Variants in GDAP1 observed in about 807,000 individuals in gnomAD.
GDAP1 encodes the protein ganglioside-induced differentiation-associated protein 1.
In GDAP1, 34 loss-of-function variants were observed where a neutral mutation model predicts 40.1. That is an observed-to-expected ratio of 0.85 (90% CI 0.64 to 1.13). The LOEUF is 1.13. Ranked by LOEUF, GDAP1 falls within the 50% of genes most tolerant of loss-of-function variation. The pLI is 0.00. For synonymous variants in GDAP1, 170 were observed against 157.4 expected (o/e 1.08, Z -0.60); for missense variants, 374 against 433.7 (o/e 0.86, Z 1.22).
chr8:74,398,222 G>A (rs1180037638), intron 2 of GDAP1, among the ~76,000 whole-genome samples: 2 of 152,124 alleles, frequency 1.3e-5, no homozygotes, highest in Admixed American at 6.6e-5. Context: ...TTATGTAATG[G>A]CCTTCTTTGT....
intron 2 of GDAP1, among the ~76,000 whole-genome samples, chr8:74,466,892 G>T (rs140421771): frequency 6.6e-6 from 1 of 152,146 alleles, no homozygotes; most frequent in Non-Finnish European, 1.5e-5. Flanking sequence ...GCAGATTTAT[G>T]CACTGCTGGG....
At chr8:74,355,517 T>C (rs1191189192) in intron 2 of GDAP1, among the ~76,000 whole-genome samples, 1 of 152,322 alleles carries the variant, frequency 6.6e-6, no homozygotes, top group African/African-American at 2.4e-5. Context: ...GGAATAGTTA[T>C]TTTACAGCAA....
At chr8:74,439,039 T>TGC (rs1806127978) in intron 2 of GDAP1, among the ~76,000 whole-genome samples, 1 of 151,752 alleles carries the variant, frequency 6.6e-6, no homozygotes, top group African/African-American at 2.4e-5. Flanking sequence ...TATATATATG[T>TGC]GTGTGTGTGT....
intron 2 of GDAP1, among the ~76,000 whole-genome samples, chr8:74,482,542 T>G (rs954590129): frequency 2.0e-5 from 3 of 152,066 alleles, no homozygotes; most frequent in Non-Finnish European, 4.4e-5. Flanking sequence ...TGAAAAAAAA[T>G]GAAACAAAAA....
intron 2 of GDAP1, 88 bp downstream of exon 2, chr8:74,351,554 CTT>C: frequency 1.0e-6 from 1 of 992,128 alleles, no homozygotes; most frequent in Non-Finnish European, 1.6e-6. Context: ...TCCTCTCTCT[CTT>C]TCTCTTGTGT....
intron 2 of GDAP1, among the ~76,000 whole-genome samples, chr8:74,478,630 TA>T (rs1176303470): frequency 6.6e-6 from 1 of 152,128 alleles, no homozygotes; most frequent in Non-Finnish European, 1.5e-5. Context: ...ACTTTTCCCC[TA>T]AGACTAAAAG....
intron 2 of GDAP1, among the ~76,000 whole-genome samples, chr8:74,454,900 T>C (rs1027887017): frequency 2.0e-5 from 3 of 148,082 alleles, no homozygotes; most frequent in African/African-American, 7.5e-5. Flanking sequence ...CACATTCATC[T>C]TCTTTAGATA....
intron 2 of GDAP1, among the ~76,000 whole-genome samples, chr8:74,418,207 G>A (rs1027565520): frequency 5.9e-5 from 9 of 152,164 alleles, no homozygotes; most frequent in Non-Finnish European, 1.2e-4. Context: ...GCATGGAAAA[G>A]CAAAAGAACT....
chr8:74,413,557 C>A (rs1208220771), intron 2 of GDAP1, among the ~76,000 whole-genome samples: 4 of 149,568 alleles, frequency 2.7e-5, no homozygotes, highest in Admixed American at 2.6e-4. Flanking sequence ...CACCCATTTC[C>A]CCCACTCTGT....
At chr8:74,422,339 TTCTTTCTTTCTTC>T (rs1429389082) in intron 2 of GDAP1, among the ~76,000 whole-genome samples, 595 of 57,134 alleles carry the variant, frequency 0.01, 9 homozygotes, top group East Asian at 0.019. Context: ...CTTTCTTTCT[TTCTTTCTTTCTTC>T]CCTTCCTTCC....
chr8:74,439,144 T>C (rs1806129366), intron 2 of GDAP1, among the ~76,000 whole-genome samples: 1 of 152,082 alleles, frequency 6.6e-6, no homozygotes, highest in Non-Finnish European at 1.5e-5. Flanking sequence ...TTTTGTGATT[T>C]AAAATATCTT....
In GDAP1 at chr8:74,404,421, A is replaced by C. The variant is rs1315695638; in HGVS notation, c.165+53100A>C. On this transcript the variant is annotated intron_variant, in intron 2 of 2. Transcript: ENST00000523640. ...CGGGCCATTTATATGAATTAACAGA[A>C]TCAATCATGGCAAAACTCTTCAAGA... Among the ~76,000 whole-genome samples the C allele has an allele frequency of 2.0e-5, 3 of 149,462 alleles. 1 individual carries two copies. Among genetic ancestry groups the C allele is most frequent in the African/African-American group, 7.7e-5 (3 of 38,948 alleles).
At chr8:74,435,118 G>T (rs983464227) in intron 2 of GDAP1, among the ~76,000 whole-genome samples, 2 of 152,002 alleles carry the variant, frequency 1.3e-5, no homozygotes, top group African/African-American at 4.8e-5. Context: ...AAAATAAATC[G>T]GCAAACCACT....
At chr8:74,483,871 C>T (rs1806743582) in intron 2 of GDAP1, among the ~76,000 whole-genome samples, 1 of 152,020 alleles carries the variant, frequency 6.6e-6, no homozygotes, top group African/African-American at 2.4e-5. Context: ...GCTGTGTGTC[C>T]CAGGGCCACC....
At chr8:74,419,453 A>G (rs118028955) in intron 2 of GDAP1, among the ~76,000 whole-genome samples, 3 of 152,300 alleles carry the variant, frequency 2.0e-5, no homozygotes, top group Non-Finnish European at 4.4e-5. Context: ...ACATTCTTGG[A>G]AAGAAAAAAC....
At chr8:74,488,370 C>G (rs1806801584) in intron 2 of GDAP1, among the ~76,000 whole-genome samples, 1 of 152,116 alleles carries the variant, frequency 6.6e-6, no homozygotes, top group Non-Finnish European at 1.5e-5. Context: ...AGTACTTCTT[C>G]CTTTCCCCCA....
chr8:74,350,432 C>A lies in GDAP1; in HGVS notation c.-30C>A. On this transcript the variant is annotated 5_prime_UTR_variant, in exon 1 of 6. The change creates a new upstream start codon in the 5' untranslated region. Transcript: ENST00000220822. ...GAGGGAGAAGTCCAGGGCGGACAGGCTGGGCGCACCCGTGCTCGCGCACCC... is the reference window on the plus strand; with the variant it reads ...GAGGGAGAAGTCCAGGGCGGACAGGATGGGCGCACCCGTGCTCGCGCACCC... 1 of 1,380,272 alleles carries A rather than the reference C, an allele frequency of 7.2e-7. No homozygotes were observed. Among genetic ancestry groups the A allele is most frequent in the African/African-American group, 1.4e-5 (1 of 70,658 alleles). The allele number at this position is 1,380,272 out of a possible 1,614,324, so 85.5% of individuals were successfully genotyped here.
At chr8:74,486,478 C>T (rs1043017909) in intron 2 of GDAP1, among the ~76,000 whole-genome samples, 4 of 152,180 alleles carry the variant, frequency 2.6e-5, no homozygotes, top group African/African-American at 9.7e-5. Flanking sequence ...GCATAATGCA[C>T]TTCACGAATA....
At chr8:74,395,454 T>C (rs1810180090) in intron 2 of GDAP1, among the ~76,000 whole-genome samples, 1 of 152,138 alleles carries the variant, frequency 6.6e-6, no homozygotes, top group Non-Finnish European at 1.5e-5. Context: ...CAATAGTAAA[T>C]TGGATGAAGA....
Sources: gnomAD v4.1 joint callset for allele counts (sites outside exome capture counted in the v4.1 genomes callset) on GRCh38, gnomAD v4.1.1 for gene constraint, MANE v1.5 for transcripts, NCBI Gene and HGNC (gene_info 2026-07-23, HGNC 2026-07-21) for gene names.